The following NUP210 variants were observed in gnomAD, a reference collection of about 807,000 sequenced individuals.
The protein encoded by NUP210 is nucleoporin 210, also known as nuclear pore membrane glycoprotein 210.
Under a neutral mutation model 196.0 loss-of-function variants are expected in NUP210, and 151 were observed. The ratio of observed to expected loss-of-function variants is 0.77; its 90% CI spans 0.67 to 0.88. NUP210 has a LOEUF of 0.88. Ranked by LOEUF, NUP210 falls within the 40% of genes least tolerant of loss-of-function variation. NUP210 has a pLI of 0.00. For missense variants in NUP210, 2,314 were observed against 2,493.7 expected, an observed-to-expected ratio of 0.93 and a Z score of 1.53; for synonymous variants, 1,070 against 1,052.7, an observed-to-expected ratio of 1.02 and a Z score of -0.32.
intron 33 of NUP210, among the ~76,000 whole-genome samples, chr3:13,324,781 C>G (rs1696678111): frequency 1.3e-5 from 2 of 152,206 alleles, no homozygotes; most frequent in African/African-American, 4.8e-5. Context: ...AAAAACTCCA[C>G]TGAGTGTGGC....
At chr3:13,387,060 A>G (rs925607570) in intron 5 of NUP210, among the ~76,000 whole-genome samples, 1 of 152,224 alleles carries the variant, frequency 6.6e-6, no homozygotes, top group Non-Finnish European at 1.5e-5. Context: ...AACACAGCAA[A>G]TGATTCTTGT....
At chr3:13,387,717 A>T (rs1407197692) in intron 5 of NUP210, among the ~76,000 whole-genome samples, 1 of 152,220 alleles carries the variant, frequency 6.6e-6, no homozygotes, top group Non-Finnish European at 1.5e-5. Flanking sequence ...GTCCACAGGG[A>T]CAGAGAAGGA....
At chr3:13,376,203 G>A in intron 10 of NUP210, 88 bp downstream of exon 10, 1 of 1,415,562 alleles carries the variant, frequency 7.1e-7, no homozygotes, top group Non-Finnish European at 9.8e-7. Context: ...CAACTCCCTG[G>A]GACTCATGGC....
chr3:13,328,075 C>G (rs1356746552), intron 31 of NUP210, among the ~76,000 whole-genome samples: 1 of 152,228 alleles, frequency 6.6e-6, no homozygotes, highest in African/African-American at 2.4e-5. Context: ...CTGACTAGGT[C>G]TCTATCAGGT....
chr3:13,328,346 C>T (rs370742389), intron 31 of NUP210, among the ~76,000 whole-genome samples: 2 of 152,378 alleles, frequency 1.3e-5, no homozygotes, highest in East Asian at 1.9e-4. Flanking sequence ...CCACGAAGGG[C>T]AGAGCTGGGG....
chr3:13,341,844 G>T lies in NUP210; in HGVS notation c.3132C>A (p.Phe1044Leu), dbSNP rs753270935. 2 of 1,614,220 alleles carry T rather than the reference G, an allele frequency of 1.2e-6. No individual in the cohort carries two copies. Among genetic ancestry groups the T allele is most frequent in the Non-Finnish European group, 1.7e-6 (2 of 1,180,048 alleles). ...DEALDNYTIT[F>L]LIRGVAIGQT... ...GGCCGATGGCCACACCGCGGATGAGGAATGTGATGGTGTAGTTGTCAAGGG... is the reference window on the plus strand; with the variant it reads ...GGCCGATGGCCACACCGCGGATGAGTAATGTGATGGTGTAGTTGTCAAGGG... The change falls in exon 23 of 40, where the codon TTC becomes TTA. Residue 1044 changes from phenylalanine (F) to leucine (L), a missense_variant. Transcript: ENST00000254508.
intron 13 of NUP210, among the ~76,000 whole-genome samples, chr3:13,370,179 C>A (rs1377550563): frequency 6.6e-6 from 1 of 152,076 alleles, no homozygotes; most frequent in Admixed American, 6.5e-5. Context: ...TTTCATACAG[C>A]CTGGGCCCTA....
intron 15 of NUP210, among the ~76,000 whole-genome samples, 197 bp from the exon 16 acceptor site, chr3:13,358,592 G>A (rs1698267793): frequency 6.6e-6 from 1 of 152,134 alleles, no homozygotes; most frequent in South Asian, 2.1e-4. Context: ...CAACACCTAA[G>A]AGACTCTCAG....
chr3:13,409,526 G>C (rs930283825), intron 1 of NUP210, among the ~76,000 whole-genome samples: 1 of 152,126 alleles, frequency 6.6e-6, no homozygotes, highest in Non-Finnish European at 1.5e-5. Context: ...CAATCACAGA[G>C]TGAAACATAT....
At position 13,340,433 on chromosome 3, in the gene NUP210, G is replaced by A; in HGVS notation, c.3229-135C>T. The stretch of plus-strand genomic sequence containing the variant: ...ACTTCTCTCTGAGCAGTGACCAGAG[G>A]GCCCAGGGTCCTGGGCCAATGCTGG... On this transcript the variant is annotated intron_variant, in intron 23 of 39. Coordinates refer to ENST00000254508, the MANE Select transcript of NUP210 (RefSeq NM_024923.4). The surrounding 1 kb of genome is among the most constrained non-coding windows in gnomAD (Gnocchi z 4.0). 1 of 773,242 alleles carries A rather than the reference G, an allele frequency of 1.3e-6. No individual in the cohort carries two copies. Among genetic ancestry groups the A allele is most frequent in the South Asian group, 1.7e-5 (1 of 60,212 alleles). The allele number at this position is 773,242 out of a possible 1,614,324, so 47.9% of individuals were successfully genotyped here.
intron 1 of NUP210, among the ~76,000 whole-genome samples, chr3:13,418,297 A>G (rs1450291172): frequency 6.6e-6 from 1 of 152,244 alleles, no homozygotes; most frequent in Non-Finnish European, 1.5e-5. Context: ...GACCTTCAAA[A>G]AAGAAATAGG....
chr3:13,411,555 T>C (rs1700174452), intron 1 of NUP210, among the ~76,000 whole-genome samples: 1 of 151,958 alleles, frequency 6.6e-6, no homozygotes, highest in Non-Finnish European at 1.5e-5. Context: ...CCATCCCCCC[T>C]GTCACCACCC....
chr3:13,384,066 G>A (rs1699190616), intron 6 of NUP210, among the ~76,000 whole-genome samples: 1 of 152,184 alleles, frequency 6.6e-6, no homozygotes, highest in African/African-American at 2.4e-5. Flanking sequence ...GGGTTCAAGT[G>A]ATTCTCCTGT....
rs995273139 is a variant in NUP210, at chr3:13,379,883, T to C, written c.818-162A>G. Among the ~76,000 whole-genome samples the C allele has an allele frequency of 6.6e-6, 1 of 152,238 alleles. No homozygotes were observed. The highest frequency in any genetic ancestry group is 1.5e-5 in the Non-Finnish European group (1 of 68,046). On this transcript the variant is annotated intron_variant, in intron 6 of 39. Coordinates refer to ENST00000254508, the MANE Select transcript of NUP210 (RefSeq NM_024923.4). The surrounding 1 kb of genome is among the most constrained non-coding windows in gnomAD (Gnocchi z 4.2). ...TTCAGTGCTTTAAATGTTAATATTGTTCTGCATGCTGGTGGACAAAACTGA... is the reference window on the plus strand; with the variant it reads ...TTCAGTGCTTTAAATGTTAATATTGCTCTGCATGCTGGTGGACAAAACTGA...
In NUP210 at chr3:13,320,434, C is replaced by A. The variant is rs1051801530; in HGVS notation, c.5167-455G>T. 3.3e-5 allele frequency among the ~76,000 whole-genome samples: 5 copies of A among 151,950 alleles called. 1 individual carries two copies. The highest frequency in any genetic ancestry group is 1.2e-4 in the African/African-American group (5 of 41,364). On this transcript the variant is annotated intron_variant, in intron 36 of 39. Transcript: ENST00000254508. ...AGATCATGAGGTCAGGAGATCGAGA[C>A]CAGCCTGGCTAACACGGTGAGACCC...
chr3:13,382,851 A>G (rs1227167357), intron 6 of NUP210, among the ~76,000 whole-genome samples: 1 of 152,160 alleles, frequency 6.6e-6, no homozygotes. Context: ...CAATGAAAAA[A>G]CAATCCAGCT....
chr3:13,372,895 G>C (rs937361722), intron 12 of NUP210, among the ~76,000 whole-genome samples: 5 of 152,184 alleles, frequency 3.3e-5, no homozygotes, highest in African/African-American at 1.2e-4. Flanking sequence ...GTGGCACAAG[G>C]GGAAACTGGG....
intron 3 of NUP210, among the ~76,000 whole-genome samples, chr3:13,391,726 G>C (rs1022009558): frequency 8.2e-5 from 11 of 134,858 alleles, no homozygotes; most frequent in African/African-American, 3.0e-4. Context: ...CTCCCTCCCT[G>C]TGCAGGGGAG....
At chr3:13,377,593 A>G in intron 8 of NUP210, 31 bp from the exon 9 acceptor site, 1 of 1,555,468 alleles carries the variant, frequency 6.4e-7, no homozygotes, top group Non-Finnish European at 8.9e-7. Context: ...CTGAGCACTC[A>G]GGCCTCAGGG....
Sources: gnomAD v4.1 joint callset for allele counts (sites outside exome capture counted in the v4.1 genomes callset) on GRCh38, gnomAD v4.1.1 for gene constraint, Gnocchi (gnomAD v3.1) non-coding constraint, MANE v1.5 for transcripts, NCBI Gene and HGNC (gene_info 2026-07-23, HGNC 2026-07-21) for gene names.